PPP2R2C: variants seen among roughly 807,000 people sequenced by gnomAD.
PPP2R2C encodes protein phosphatase 2, regulatory subunit B, gamma.
In PPP2R2C, 10 loss-of-function variants were observed where a neutral mutation model predicts 45.3. The ratio of observed to expected loss-of-function variants is 0.22; its 90% CI spans 0.14 to 0.37. PPP2R2C has a LOEUF of 0.37. PPP2R2C is among the 10% of genes least tolerant of loss of function. The pLI, the probability that PPP2R2C is intolerant of heterozygous loss-of-function variation, is 1.00. For synonymous variants in PPP2R2C, 257 were observed against 245.4 expected, an observed-to-expected ratio of 1.05 and a Z score of -0.44; for missense variants, 308 against 619.7, an observed-to-expected ratio of 0.50 and a Z score of 5.34.
chr4:6,515,367 C>T (rs1723797138), intron 2 of PPP2R2C, among the ~76,000 whole-genome samples: 1 of 152,242 alleles, frequency 6.6e-6, no homozygotes, highest in Non-Finnish European at 1.5e-5. Context: ...CAAGCACCTA[C>T]TCTGTGCCAG....
rs2109314200 is a variant in PPP2R2C at position 6,381,454 on chromosome 4, T to C, written c.71-360A>G. 3 of 1,368,324 alleles carry C rather than the reference T, an allele frequency of 2.2e-6. 1 individual carries two copies. The South Asian group carries it at 4.4e-5, about 20-fold the overall frequency. 84.8% of individuals were successfully genotyped at this position (1,368,324 alleles called of 1,614,324 possible). A position where few individuals can be genotyped will look rare whatever the true frequency, so the allele number is the denominator to read the frequency against. ...CCTCCTGTCTTGAATCTCCCACACC[T>C]ACCCCTGCCACCCAGGCCCCCATGC... On this transcript the variant is annotated intron_variant, in intron 1 of 8. Coordinates refer to ENST00000382599, the MANE Select transcript of PPP2R2C (RefSeq NM_020416.4).
chr4:6,348,030 G>A lies in PPP2R2C; in HGVS notation c.626-20C>T, dbSNP rs1712167247. On this transcript the variant is annotated intron_variant, in intron 5 of 8. Transcript: ENST00000382599. The stretch of plus-strand genomic sequence containing the variant: ...CGATGTCTGGGGGCAGTGCGGTCAA[G>A]GAAGGGGCAGTGAAGGGCGCCCTCA... 1.9e-6 allele frequency: 3 copies of A among 1,611,050 alleles called. No homozygotes were observed. The highest frequency in any genetic ancestry group is 2.2e-5 in the South Asian group (2 of 90,924).
intron 2 of PPP2R2C, among the ~76,000 whole-genome samples, chr4:6,534,888 C>T (rs571090430): frequency 1.4e-4 from 21 of 152,384 alleles, no homozygotes; most frequent in Admixed American, 7.8e-4. Flanking sequence ...ACTGCTGCGA[C>T]CCCAGGGGCC....
In PPP2R2C at chr4:6,331,480, C is replaced by T. The variant is rs757560171; in HGVS notation, c.960+2082G>A. On this transcript the variant is annotated intron_variant, in intron 7 of 8. Transcript: ENST00000382599. This position sits in a 1 kb window ranked among gnomAD's most constrained non-coding sequence, Gnocchi z 5.9. ...CCCTTGCCTTCTTCAACCACAGAGG[C>T]TGTTAAACCATTAATCTTCCCAGCC... Among the ~76,000 whole-genome samples the T allele has an allele frequency of 6.6e-6, 1 of 152,194 alleles. No homozygotes were observed. The highest frequency in any genetic ancestry group is 2.4e-5 in the African/African-American group (1 of 41,448).
At chr4:6,538,008 A>G (rs1379519253) in intron 1 of PPP2R2C, among the ~76,000 whole-genome samples, 4 of 152,148 alleles carry the variant, frequency 2.6e-5, no homozygotes, top group Non-Finnish European at 5.9e-5. Flanking sequence ...AATGGGTACA[A>G]AGAAAAAGCT....
rs1560502415 is a variant in PPP2R2C at position 6,383,311 on chromosome 4, C to T, written c.71-2217G>A. The T allele has an allele frequency of 5.5e-6, 7 of 1,279,758 alleles. No individual in the cohort carries two copies. In the South Asian group the frequency reaches 6.4e-5, roughly 12 times the overall value. 79.3% of individuals were successfully genotyped at this position (1,279,758 alleles called of 1,614,324 possible). ...ACAGAGCAGGGCAAGCCCAGCCAAG[C>T]CCAGACCACAGAATCGCAGATGCAA... is the stretch of plus-strand genomic sequence containing the variant. On this transcript the variant is annotated intron_variant, in intron 1 of 8. Coordinates refer to ENST00000382599, the MANE Select transcript of PPP2R2C (RefSeq NM_020416.4).
At chr4:6,469,550 T>G (rs577396634) in intron 1 of PPP2R2C, among the ~76,000 whole-genome samples, 1 of 152,346 alleles carries the variant, frequency 6.6e-6, no homozygotes, top group African/African-American at 2.4e-5. Context: ...ACCCAAGCAC[T>G]GTGCTGGGCA....
At chr4:6,518,111 A>G (rs1006018630) in intron 2 of PPP2R2C, among the ~76,000 whole-genome samples, 3 of 152,238 alleles carry the variant, frequency 2.0e-5, no homozygotes, top group African/African-American at 7.2e-5. Context: ...CTAATTAAAA[A>G]TGAAAACACA....
chr4:6,354,297 C>A (rs1048450490), intron 5 of PPP2R2C, among the ~76,000 whole-genome samples: 2 of 151,960 alleles, frequency 1.3e-5, no homozygotes, highest in East Asian at 3.9e-4. Context: ...TCACCTTGGC[C>A]GCTTCTCCCT....
At chr4:6,414,172 T>C in intron 1 of PPP2R2C, 2 of 978,308 alleles carry the variant, frequency 2.0e-6, no homozygotes, top group Non-Finnish European at 2.8e-6. Context: ...AGTATGCCTT[T>C]TTCCTCCTCC....
rs959689951 is a variant in PPP2R2C at position 6,378,637 on chromosome 4, G to A, written c.169-65C>T. On this transcript the variant is annotated intron_variant, in intron 2 of 8. Transcript: ENST00000382599. This position sits in a 1 kb window ranked among gnomAD's most constrained non-coding sequence, Gnocchi z 5.2. ...CTGCAGGGCGACGGCTAGGACCTCC[G>A]GGGACCCAGCAGGGCCGGCCGTGGG... 17 of 1,540,714 alleles carry A rather than the reference G, an allele frequency of 1.1e-5. No individual in the cohort carries two copies. Among genetic ancestry groups the A allele is most frequent in the East Asian group, 6.8e-5 (3 of 44,208 alleles).
intron 1 of PPP2R2C, chr4:6,381,661 T>C: frequency 6.6e-7 from 1 of 1,510,272 alleles, no homozygotes; most frequent in South Asian, 1.4e-5. Flanking sequence ...CGCTCTCTAA[T>C]CTCTGCTCGC....
intron 3 of PPP2R2C, among the ~76,000 whole-genome samples, chr4:6,377,669 GAAAA>G (rs1407008780): frequency 6.6e-6 from 1 of 151,598 alleles, no homozygotes; most frequent in Non-Finnish European, 1.5e-5. Flanking sequence ...CTCAAAAAAA[GAAAA>G]AAAAGAATCC....
intron 1 of PPP2R2C, among the ~76,000 whole-genome samples, chr4:6,544,701 A>G (rs1724918780): frequency 6.6e-6 from 1 of 152,208 alleles, no homozygotes; most frequent in South Asian, 2.1e-4. Flanking sequence ...TCGGGCAGAA[A>G]AGGAAGAAGC....
At chr4:6,383,507 A>G in intron 1 of PPP2R2C, 1 of 1,094,734 alleles carries the variant, frequency 9.1e-7, no homozygotes. Flanking sequence ...CTGTCCCAAG[A>G]CCTGCTCTCT....
intron 5 of PPP2R2C, among the ~76,000 whole-genome samples, chr4:6,361,283 G>A (rs1282558132): frequency 6.6e-6 from 1 of 152,232 alleles, no homozygotes; most frequent in Non-Finnish European, 1.5e-5. Flanking sequence ...TCTCTGTGTG[G>A]TGAGTCCATC....
In PPP2R2C at chr4:6,533,501, C is replaced by T. The variant is rs77297931; in HGVS notation, c.49+1770G>A. Among the ~76,000 whole-genome samples, 167 of 152,272 alleles carry T rather than the reference C, an allele frequency of 1.1e-3. 4 individuals are homozygous for T. In the East Asian group the frequency reaches 0.022, roughly 20 times the overall value. On this transcript the variant is annotated intron_variant, in intron 2 of 9. Coordinates refer to the PPP2R2C transcript ENST00000506140. ...TGCCAGGGCCTGGTACCCACAGCCC[C>T]GATACCAGCCATCCAGGGCTCAGCA...
rs79686884 is a variant in PPP2R2C, at chr4:6,332,583, C to T, written c.960+979G>A. ...CCAGGACGCTTTCCTACTAGGTCTT[C>T]GCACGGAGGAAAGGAAAGCGTAGGG... On this transcript the variant is annotated intron_variant, in intron 7 of 8. Coordinates refer to ENST00000382599, the MANE Select transcript of PPP2R2C (RefSeq NM_020416.4). The surrounding 1 kb of genome is among the most constrained non-coding windows in gnomAD (Gnocchi z 4.9). 1.2e-3 allele frequency among the ~76,000 whole-genome samples: 187 copies of T among 152,302 alleles called. 2 individuals carry two copies. Among genetic ancestry groups the T allele is most frequent in the African/African-American group, 4.3e-3 (177 of 41,560 alleles).
At chr4:6,398,459 C>A (rs542376457) in intron 1 of PPP2R2C, among the ~76,000 whole-genome samples, 2 of 152,086 alleles carry the variant, frequency 1.3e-5, no homozygotes, top group Non-Finnish European at 2.9e-5. Context: ...GCAGACACTT[C>A]CCAAACCAAA....
Sources: gnomAD v4.1 joint callset for allele counts (sites outside exome capture counted in the v4.1 genomes callset) on GRCh38, gnomAD v4.1.1 for gene constraint, Gnocchi (gnomAD v3.1) non-coding constraint, MANE v1.5 for transcripts, NCBI Gene and HGNC (gene_info 2026-07-23, HGNC 2026-07-21) for gene names.